Variants in TRPM3 observed in about 807,000 individuals in gnomAD.
TRPM3 encodes transient receptor potential cation channel subfamily M member 3.
TRPM3 carries 77 observed loss-of-function variants against 181.2 expected under a neutral mutation model. The observed-to-expected ratio is 0.42, with a 90% CI of 0.35 to 0.51. TRPM3 has a LOEUF of 0.51. Ranked by LOEUF, TRPM3 falls within the 20% of genes least tolerant of loss-of-function variation. The pLI, the probability that TRPM3 is intolerant of heterozygous loss-of-function variation, is 0.01. For synonymous variants in TRPM3, 745 were observed against 796.4 expected, an observed-to-expected ratio of 0.94 and a Z score of 1.09; for missense variants, 1,759 against 2,196.7, an observed-to-expected ratio of 0.80 and a Z score of 3.98.
chr9:70,690,514 C>T (rs1341266811), intron 8 of TRPM3, among the ~76,000 whole-genome samples: 1 of 151,730 alleles, frequency 6.6e-6, no homozygotes, highest in Admixed American at 6.6e-5. Flanking sequence ...GTAAGCAATT[C>T]AGTCGCTACA....
chr9:71,415,296 G>C (rs765456418), intron 1 of TRPM3, among the ~76,000 whole-genome samples: 2 of 152,054 alleles, frequency 1.3e-5, no homozygotes, highest in Admixed American at 1.3e-4. Flanking sequence ...CTCTGTAACT[G>C]TGGGAGAATA....
chr9:70,641,013 C>A (rs188046853), intron 9 of TRPM3, among the ~76,000 whole-genome samples: 1 of 152,116 alleles, frequency 6.6e-6, no homozygotes, highest in Non-Finnish European at 1.5e-5. Flanking sequence ...ATTAATAGCA[C>A]GCCTTGACTG....
At chr9:70,684,892 G>T (rs969709333) in intron 8 of TRPM3, among the ~76,000 whole-genome samples, 1 of 152,176 alleles carries the variant, frequency 6.6e-6, no homozygotes, top group Admixed American at 6.5e-5. Flanking sequence ...AACCTTCTGA[G>T]TTGGGAACGT....
At chr9:71,088,421 A>G (rs1476335901) in intron 1 of TRPM3, among the ~76,000 whole-genome samples, 1 of 152,108 alleles carries the variant, frequency 6.6e-6, no homozygotes, top group Non-Finnish European at 1.5e-5. Context: ...AGTATATCAT[A>G]TTTTAAAAGA....
At chr9:70,601,687 C>CT (rs1327968494) in intron 20 of TRPM3, among the ~76,000 whole-genome samples, 2 of 152,188 alleles carry the variant, frequency 1.3e-5, no homozygotes, top group African/African-American at 2.4e-5. Flanking sequence ...GCCCTCCCTG[C>CT]TATTCTATGC....
At chr9:71,442,083 TGAG>T (rs2094143496) in intron 1 of TRPM3, among the ~76,000 whole-genome samples, 1 of 152,332 alleles carries the variant, frequency 6.6e-6, no homozygotes, top group East Asian at 1.9e-4. Context: ...CAAACAGCTG[TGAG>T]AAGAGTAGCT....
chr9:71,052,800 A>C (rs2060204771), intron 1 of TRPM3, among the ~76,000 whole-genome samples: 1 of 152,070 alleles, frequency 6.6e-6, no homozygotes, highest in Non-Finnish European at 1.5e-5. Flanking sequence ...TACTATCTTC[A>C]GTGCACAAGC....
At chr9:71,067,883 A>C (rs77020049) in intron 1 of TRPM3, among the ~76,000 whole-genome samples, 1,959 of 152,280 alleles carry the variant, frequency 0.013, 31 homozygotes, top group African/African-American at 0.045. Context: ...GCAAGTCATT[A>C]GATTGTTGTT....
At chr9:70,688,231 G>A (rs1041460115) in intron 8 of TRPM3, among the ~76,000 whole-genome samples, 7 of 151,978 alleles carry the variant, frequency 4.6e-5, no homozygotes, top group African/African-American at 1.7e-4. Context: ...CATTCCCTAT[G>A]ACATAAAGCT....
chr9:71,226,009 T>TAAAAAAAAAAAAAAAAAAAAAAAAAAAA, intron 1 of TRPM3, among the ~76,000 whole-genome samples: 4 of 34,706 alleles, frequency 1.2e-4, no homozygotes, highest in Non-Finnish European at 1.9e-4. Context: ...CAACAAAAGG[T>TAAAAAAAAAAAAAAAAAAAAAAAAAAAA]AAAAAAAAAA....
At chr9:70,608,990 G>A (rs2132966355) in intron 19 of TRPM3, among the ~76,000 whole-genome samples, 1 of 152,288 alleles carries the variant, frequency 6.6e-6, no homozygotes, top group East Asian at 1.9e-4. Flanking sequence ...ACACAACACT[G>A]ATTATCTATT....
intron 1 of TRPM3, among the ~76,000 whole-genome samples, chr9:71,286,660 A>G (rs1441034473): frequency 6.6e-6 from 1 of 152,050 alleles, no homozygotes; most frequent in African/African-American, 2.4e-5. Flanking sequence ...AGTCAGTACA[A>G]TACATTCTAT....
chr9:70,565,195 T>A (rs537177099), intron 22 of TRPM3, among the ~76,000 whole-genome samples: 2 of 152,354 alleles, frequency 1.3e-5, no homozygotes, highest in African/African-American at 4.8e-5. Context: ...CACCCTTGTA[T>A]AGTGGGCTAA....
At chr9:71,436,408 T>C (rs1174101439) in intron 1 of TRPM3, among the ~76,000 whole-genome samples, 3 of 149,598 alleles carry the variant, frequency 2.0e-5, no homozygotes, top group African/African-American at 4.9e-5. Context: ...GTTCGAGCGA[T>C]TCCCCTGCCT....
At position 71,064,414 on chromosome 9, in the gene TRPM3, T is replaced by C. The variant is rs1042738814; in HGVS notation, c.177+56764A>G. Among the ~76,000 whole-genome samples the C allele has an allele frequency of 4.0e-4, 60 of 150,842 alleles. 1 individual carries two copies. Among genetic ancestry groups the C allele is most frequent in the African/African-American group, 1.4e-3 (56 of 41,300 alleles). ...TTGTTTACATTACACAAGGTAAGTA[T>C]CACCATGGTTTTTTTTTTTTTAGCC... is the stretch of plus-strand genomic sequence containing the variant. On this transcript the variant is annotated intron_variant, in intron 1 of 25. Coordinates refer to ENST00000677713, the MANE Select transcript of TRPM3 (RefSeq NM_001366145.2).
intron 1 of TRPM3, among the ~76,000 whole-genome samples, chr9:71,040,788 C>T (rs2058728385): frequency 6.6e-6 from 1 of 152,098 alleles, no homozygotes; most frequent in African/African-American, 2.4e-5. Context: ...GGGACACACA[C>T]CATGGCACTT....
chr9:71,322,240 C>T (rs1338952645), intron 1 of TRPM3, among the ~76,000 whole-genome samples: 1 of 152,036 alleles, frequency 6.6e-6, no homozygotes, highest in Non-Finnish European at 1.5e-5. Context: ...GGTCTTAACT[C>T]CCTAAAGATT....
At chr9:71,152,982 T>C (rs1317395081) in intron 1 of TRPM3, among the ~76,000 whole-genome samples, 3 of 152,090 alleles carry the variant, frequency 2.0e-5, no homozygotes, top group African/African-American at 7.2e-5. Flanking sequence ...CTGAGAGAAC[T>C]GAGAAGCAGC....
At chr9:70,876,177 C>G (rs901012412) in intron 1 of TRPM3, among the ~76,000 whole-genome samples, 5 of 151,536 alleles carry the variant, frequency 3.3e-5, no homozygotes, top group Non-Finnish European at 5.9e-5. Flanking sequence ...CTACCAAAGC[C>G]TATATCTTAC....
Sources: allele counts gnomAD v4.1 joint callset (sites outside exome capture counted in the v4.1 genomes callset), GRCh38; gene constraint gnomAD v4.1.1; transcripts MANE v1.5; gene names NCBI Gene and HGNC (gene_info 2026-07-23, HGNC 2026-07-21).